The following NXPH2 variants were observed in gnomAD, a reference collection of about 807,000 sequenced individuals.
NXPH2 encodes the protein neurexophilin-2.
Under a neutral mutation model 19.8 loss-of-function variants are expected in NXPH2, and 5 were observed. The observed-to-expected ratio is 0.25, with a 90% CI of 0.13 to 0.53. The LOEUF is 0.53. NXPH2 is among the 20% of genes least tolerant of loss of function. The pLI, the probability that NXPH2 is intolerant of heterozygous loss-of-function variation, is 0.96. For missense variants in NXPH2, 289 were observed against 322.8 expected (o/e 0.90, Z 0.80); for synonymous variants, 154 against 127.4 (o/e 1.21, Z -1.41).
At chr2:138,695,927 T>C (rs1680822502) in intron 1 of NXPH2, among the ~76,000 whole-genome samples, 1 of 152,048 alleles carries the variant, frequency 6.6e-6, no homozygotes, top group African/African-American at 2.4e-5. Flanking sequence ...GGTGGGAGGA[T>C]CCCTTGAGGA....
chr2:138,734,702 G>C (rs76622283), intron 1 of NXPH2, among the ~76,000 whole-genome samples: 3,173 of 152,318 alleles, frequency 0.021, 50 homozygotes, highest in Non-Finnish European at 0.033. Context: ...AAGACTTGGT[G>C]GCTGATGGGG....
chr2:138,764,685 C>A (rs2104840873), intron 1 of NXPH2, among the ~76,000 whole-genome samples: 1 of 152,226 alleles, frequency 6.6e-6, no homozygotes, highest in South Asian at 2.1e-4. Flanking sequence ...AATTATATAA[C>A]TGGTAAGAAA....
chr2:138,758,658 C>T (rs1336307206), intron 1 of NXPH2, among the ~76,000 whole-genome samples: 1 of 152,216 alleles, frequency 6.6e-6, no homozygotes, highest in African/African-American at 2.4e-5. Flanking sequence ...CTTGCATTTG[C>T]AAATTTCCAG....
intron 1 of NXPH2, among the ~76,000 whole-genome samples, chr2:138,694,558 C>A (rs1292949773): frequency 6.6e-6 from 1 of 152,006 alleles, no homozygotes; most frequent in Non-Finnish European, 1.5e-5. Flanking sequence ...GAGGAAGGAC[C>A]CTGGACTAGA....
intron 1 of NXPH2, among the ~76,000 whole-genome samples, chr2:138,696,504 C>T (rs906745034): frequency 6.6e-6 from 1 of 152,118 alleles, no homozygotes; most frequent in Non-Finnish European, 1.5e-5. Context: ...TAAAGTGCTC[C>T]ATCTCATTAG....
intron 1 of NXPH2, among the ~76,000 whole-genome samples, chr2:138,721,416 A>G (rs1030147109): frequency 6.6e-6 from 1 of 152,040 alleles, no homozygotes; most frequent in Non-Finnish European, 1.5e-5. Flanking sequence ...ATTCAATTGG[A>G]AAGAGTCTAT....
intron 1 of NXPH2, among the ~76,000 whole-genome samples, chr2:138,694,849 T>C (rs1680805518): frequency 2.0e-5 from 3 of 152,178 alleles, no homozygotes. Context: ...AACGTATTGC[T>C]CCCAGATTAT....
intron 1 of NXPH2, among the ~76,000 whole-genome samples, chr2:138,737,496 T>C (rs1681569481): frequency 6.6e-6 from 1 of 152,168 alleles, no homozygotes; most frequent in South Asian, 2.1e-4. Context: ...CAGAAGGGAA[T>C]TATGGGAGCT....
chr2:138,763,894 T>C (rs1682052467), intron 1 of NXPH2, among the ~76,000 whole-genome samples: 1 of 152,024 alleles, frequency 6.6e-6, no homozygotes, highest in Admixed American at 6.6e-5. Context: ...GTCAAGGGAG[T>C]TACTGAGTGA....
intron 1 of NXPH2, among the ~76,000 whole-genome samples, chr2:138,682,776 T>C (rs1304152007): frequency 2.6e-5 from 4 of 152,226 alleles, no homozygotes; most frequent in Non-Finnish European, 4.4e-5. Flanking sequence ...GTTTTATTGC[T>C]AAGGTTAAAT....
chr2:138,755,180 A>G (rs62163222), intron 1 of NXPH2, among the ~76,000 whole-genome samples: 61,647 of 151,788 alleles, frequency 0.41, 13,359 homozygotes, highest in East Asian at 0.75. Flanking sequence ...GCTTTCACTG[A>G]GAAGTTTTTA....
intron 1 of NXPH2, among the ~76,000 whole-genome samples, chr2:138,746,217 C>T (rs982852999): frequency 2.0e-5 from 3 of 152,214 alleles, no homozygotes; most frequent in African/African-American, 4.8e-5. Context: ...AGAGATGTCC[C>T]TGGGTACCTA....
At chr2:138,775,005 TTTATA>T (rs1320269471) in intron 1 of NXPH2, among the ~76,000 whole-genome samples, 117 of 152,338 alleles carry the variant, frequency 7.7e-4, no homozygotes, top group Non-Finnish European at 1.5e-3. Context: ...ATAGTTTAAG[TTTATA>T]AAATGTCTCA....
intron 1 of NXPH2, among the ~76,000 whole-genome samples, chr2:138,676,399 T>G (rs139479198): frequency 1.3e-5 from 2 of 152,220 alleles, no homozygotes; most frequent in Non-Finnish European, 2.9e-5. Context: ...ATGACCTAAG[T>G]CCCCAGTCCA....
At chr2:138,762,259 C>T (rs1406033294) in intron 1 of NXPH2, among the ~76,000 whole-genome samples, 1 of 152,134 alleles carries the variant, frequency 6.6e-6, no homozygotes, top group Non-Finnish European at 1.5e-5. Context: ...AGATTTTGCA[C>T]CAATACTAGC....
At chr2:138,769,973 T>C (rs974242299) in intron 1 of NXPH2, among the ~76,000 whole-genome samples, 1 of 152,178 alleles carries the variant, frequency 6.6e-6, no homozygotes, top group Non-Finnish European at 1.5e-5. Context: ...GGTTATAGTA[T>C]ATATAATTTT....
At chr2:138,677,579 G>C (rs1680503373) in intron 1 of NXPH2, among the ~76,000 whole-genome samples, 1 of 152,060 alleles carries the variant, frequency 6.6e-6, no homozygotes, top group African/African-American at 2.4e-5. Flanking sequence ...TTGTTTTTAG[G>C]GGGGAAAAGC....
chr2:138,682,136 A>G (rs1232350222), intron 1 of NXPH2, among the ~76,000 whole-genome samples: 1 of 152,216 alleles, frequency 6.6e-6, no homozygotes, highest in Non-Finnish European at 1.5e-5. Context: ...AGCAGAAAGA[A>G]CAACAGAAAA....
intron 1 of NXPH2, among the ~76,000 whole-genome samples, chr2:138,746,862 T>TA (rs1316640913): frequency 6.6e-6 from 1 of 152,046 alleles, no homozygotes; most frequent in Non-Finnish European, 1.5e-5. Flanking sequence ...AAATTTCCTA[T>TA]AAAAAAGGGT....
Sources: allele counts gnomAD v4.1 joint callset (sites outside exome capture counted in the v4.1 genomes callset), GRCh38; gene constraint gnomAD v4.1.1; transcripts MANE v1.5; gene names NCBI Gene and HGNC (gene_info 2026-07-23, HGNC 2026-07-21).